Variants in APBA1 observed in about 807,000 individuals in gnomAD.
The protein encoded by APBA1 is amyloid beta precursor protein binding family A member 1.
Under a neutral mutation model 86.6 loss-of-function variants are expected in APBA1, and 55 were observed. The ratio of observed to expected loss-of-function variants is 0.64; its 90% CI spans 0.51 to 0.80. APBA1 has a LOEUF of 0.80. Among genes scored for constraint, APBA1 ranks in the 30% least tolerant of loss-of-function variants. The probability of loss-of-function intolerance (pLI) is 0.00; values close to 1 mark genes in which losing one functional copy is unlikely to be tolerated. For synonymous variants in APBA1, 511 were observed against 493.9 expected (o/e 1.03, Z -0.46); for missense variants, 1,090 against 1,183.0 (o/e 0.92, Z 1.15).
intron 8 of APBA1, among the ~76,000 whole-genome samples, chr9:69,454,714 C>T (rs966804566): frequency 2.0e-5 from 3 of 152,176 alleles, no homozygotes; most frequent in Non-Finnish European, 4.4e-5. Context: ...GGAGAAGAAA[C>T]CCCTCCCTAT....
intron 2 of APBA1, among the ~76,000 whole-genome samples, chr9:69,489,903 G>A (rs907268297): frequency 1.3e-5 from 2 of 152,166 alleles, no homozygotes; most frequent in African/African-American, 4.8e-5. Flanking sequence ...CAACCCTTGT[G>A]GAAGTCAGTG....
At chr9:69,594,798 C>T (rs1320560532) in intron 1 of APBA1, among the ~76,000 whole-genome samples, 1 of 152,074 alleles carries the variant, frequency 6.6e-6, no homozygotes, top group Admixed American at 6.6e-5. Flanking sequence ...GCCAATCATA[C>T]AACACTTTCT....
In APBA1 at chr9:69,440,888, G is replaced by T. The variant is rs141781087; in HGVS notation, c.2301+108C>A. 5 of 1,369,274 alleles carry T rather than the reference G, an allele frequency of 3.7e-6. No homozygotes were observed. In the African/African-American group the frequency reaches 7.2e-5, roughly 20 times the overall value. 84.8% of individuals were successfully genotyped at this position (1,369,274 alleles called of 1,614,324 possible). A position where few individuals can be genotyped will look rare whatever the true frequency, so the allele number is the denominator to read the frequency against. On this transcript the variant is annotated intron_variant, in intron 11 of 12. Transcript: ENST00000265381. ...TTCTGCATCACTCACGCTGGGAGTT[G>T]TAGACTGGAGCTGTTCCTATTTAGC...
intron 5 of APBA1, among the ~76,000 whole-genome samples, chr9:69,459,009 T>C (rs1564038128): frequency 6.6e-6 from 1 of 152,206 alleles, no homozygotes; most frequent in Non-Finnish European, 1.5e-5. Context: ...GGTTTCTCCA[T>C]GTTGGCCAGC....
chr9:69,583,418 G>C (rs566332648), intron 1 of APBA1, among the ~76,000 whole-genome samples: 4 of 152,100 alleles, frequency 2.6e-5, no homozygotes, highest in Non-Finnish European at 5.9e-5. Context: ...CCACAACCCT[G>C]TACAGAAATC....
intron 4 of APBA1, among the ~76,000 whole-genome samples, chr9:69,468,850 A>G (rs1835322070): frequency 6.7e-6 from 1 of 149,502 alleles, no homozygotes. Flanking sequence ...CAATTGAAAC[A>G]TACGTATTTT....
intron 1 of APBA1, among the ~76,000 whole-genome samples, chr9:69,624,103 C>T (rs1822880255): frequency 6.6e-6 from 1 of 152,114 alleles, no homozygotes; most frequent in Admixed American, 6.6e-5. Context: ...ATAAAAAGTT[C>T]CCAGAGGTTC....
chr9:69,488,252 A>T (rs1835642998), intron 2 of APBA1, among the ~76,000 whole-genome samples: 1 of 152,102 alleles, frequency 6.6e-6, no homozygotes. Context: ...CATGATTGAG[A>T]TGACCCTTTC....
intron 1 of APBA1, among the ~76,000 whole-genome samples, chr9:69,517,837 C>T (rs1046521015): frequency 1.3e-5 from 2 of 152,134 alleles, no homozygotes; most frequent in African/African-American, 4.8e-5. Flanking sequence ...TGGACCTCCA[C>T]GGTGTGACTG....
chr9:69,486,966 A>G (rs2052327731), intron 2 of APBA1, among the ~76,000 whole-genome samples: 1 of 151,826 alleles, frequency 6.6e-6, no homozygotes, highest in Non-Finnish European at 1.5e-5. Context: ...GAACCAAAAG[A>G]TCTAAAGGAG....
chr9:69,500,651 G>T (rs902966299), intron 2 of APBA1, among the ~76,000 whole-genome samples: 27 of 152,076 alleles, frequency 1.8e-4, no homozygotes, highest in Admixed American at 1.2e-3. Context: ...CTAAAGAGTT[G>T]AGTGTTAAAC....
chr9:69,468,383 G>A (rs1350113439), intron 4 of APBA1, among the ~76,000 whole-genome samples: 1 of 151,904 alleles, frequency 6.6e-6, no homozygotes, highest in Non-Finnish European at 1.5e-5. Context: ...GTAACTAGAT[G>A]GCTGTCTTTT....
At chr9:69,605,101 A>C (rs1822445745) in intron 1 of APBA1, among the ~76,000 whole-genome samples, 1 of 152,220 alleles carries the variant, frequency 6.6e-6, no homozygotes. Flanking sequence ...GGGTAAAAAC[A>C]AGAGTTATAA....
intron 1 of APBA1, among the ~76,000 whole-genome samples, chr9:69,636,050 T>C (rs1405601136): frequency 1.3e-5 from 2 of 152,134 alleles, no homozygotes; most frequent in East Asian, 3.9e-4. Flanking sequence ...AACAACTCTA[T>C]AGGAAAAATA....
chr9:69,639,673 C>T (rs1823248035), intron 1 of APBA1, among the ~76,000 whole-genome samples: 1 of 152,116 alleles, frequency 6.6e-6, no homozygotes, highest in African/African-American at 2.4e-5. Flanking sequence ...AGGGTGTGAG[C>T]AAACCAACTC....
chr9:69,453,932 T>C (rs1352769186), intron 8 of APBA1, among the ~76,000 whole-genome samples: 2 of 152,184 alleles, frequency 1.3e-5, no homozygotes, highest in African/African-American at 4.8e-5. Context: ...TAGAACAGGA[T>C]ATGGAGGTTG....
At chr9:69,603,724 G>A (rs968744842) in intron 1 of APBA1, among the ~76,000 whole-genome samples, 6 of 152,232 alleles carry the variant, frequency 3.9e-5, no homozygotes, top group African/African-American at 1.4e-4. Context: ...TGGGTAACTA[G>A]AATAACCTTA....
intron 3 of APBA1, among the ~76,000 whole-genome samples, chr9:69,473,915 A>G (rs1225963659): frequency 6.6e-6 from 1 of 152,196 alleles, no homozygotes; most frequent in Non-Finnish European, 1.5e-5. Context: ...TTTCATCATC[A>G]TTTCTAAGGA....
chr9:69,488,990 C>T (rs1835656344), intron 2 of APBA1, among the ~76,000 whole-genome samples: 1 of 152,012 alleles, frequency 6.6e-6, no homozygotes, highest in Non-Finnish European at 1.5e-5. Context: ...AGGACACAAA[C>T]AAATGGAAGA....
Sources: allele counts gnomAD v4.1 joint callset (sites outside exome capture counted in the v4.1 genomes callset), GRCh38; gene constraint gnomAD v4.1.1; transcripts MANE v1.5; gene names NCBI Gene and HGNC (gene_info 2026-07-23, HGNC 2026-07-21).